The following ARL15 variants were observed in gnomAD, a reference collection of about 807,000 sequenced individuals.
ARL15 encodes ADP-ribosylation factor-like protein 15.
ARL15 carries 19 observed loss-of-function variants against 25.2 expected under a neutral mutation model. That is an observed-to-expected ratio of 0.75 (90% CI 0.53 to 1.10). The LOEUF (loss-of-function observed/expected upper bound fraction) is 1.10. Among genes scored for constraint, ARL15 ranks in the 50% least tolerant of loss-of-function variants. ARL15 has a pLI of 0.00. For synonymous variants in ARL15, 94 were observed against 86.8 expected (o/e 1.08, Z -0.46); for missense variants, 220 against 246.0 (o/e 0.89, Z 0.71).
chr5:54,254,695 A>G (rs926531141), intron 1 of ARL15, among the ~76,000 whole-genome samples: 4 of 152,316 alleles, frequency 2.6e-5, no homozygotes, highest in Non-Finnish European at 5.9e-5. Context: ...ATGGAGACAT[A>G]AGCACTGTTG....
intron 4 of ARL15, among the ~76,000 whole-genome samples, chr5:54,036,831 T>C (rs1750182726): frequency 6.6e-6 from 1 of 152,182 alleles, no homozygotes; most frequent in South Asian, 2.1e-4. Context: ...TACTGGATTA[T>C]ATTTCAAAAA....
At chr5:53,947,542 G>A (rs746946952) in intron 4 of ARL15, among the ~76,000 whole-genome samples, 6 of 152,114 alleles carry the variant, frequency 3.9e-5, no homozygotes, top group Non-Finnish European at 7.4e-5. Flanking sequence ...CTGATGCAGG[G>A]CATTTAATAC....
intron 4 of ARL15, among the ~76,000 whole-genome samples, chr5:53,907,217 C>G (rs1299785163): frequency 6.6e-6 from 1 of 151,914 alleles, no homozygotes; most frequent in African/African-American, 2.4e-5. Flanking sequence ...CTATTCCTCC[C>G]ACATTCCATC....
chr5:54,260,123 G>T (rs2112620032), intron 1 of ARL15, among the ~76,000 whole-genome samples: 1 of 152,194 alleles, frequency 6.6e-6, no homozygotes, highest in East Asian at 1.9e-4. Flanking sequence ...ATGTTCCCTT[G>T]GCCATCCTAG....
intron 1 of ARL15, among the ~76,000 whole-genome samples, chr5:54,179,663 A>G (rs974369719): frequency 6.6e-6 from 1 of 152,014 alleles, no homozygotes; most frequent in African/African-American, 2.4e-5. Flanking sequence ...TCTCTCTTTC[A>G]CACTGTTTGC....
rs115801737 is a variant in ARL15, at chr5:54,159,408, G to A, written c.194-4769C>T. Among the ~76,000 whole-genome samples, 1,462 of 152,206 alleles carry A rather than the reference G, an allele frequency of 9.6e-3. 18 individuals are homozygous for A. Among genetic ancestry groups the A allele is most frequent in the African/African-American group, 0.028 (1,151 of 41,516 alleles). The stretch of plus-strand genomic sequence containing the variant: ...TGACAAGGGACTATCCTAGGAGTCC[G>A]AAGCACAGCTCTTAGACTCACCAGC... On this transcript the variant is annotated intron_variant, in intron 2 of 4. Transcript: ENST00000504924.
chr5:54,020,314 C>A (rs1193262044), intron 4 of ARL15, among the ~76,000 whole-genome samples: 1 of 152,050 alleles, frequency 6.6e-6, no homozygotes, highest in Non-Finnish European at 1.5e-5. Flanking sequence ...ACCAAGGCCA[C>A]CCCCCTGCAG....
intron 1 of ARL15, among the ~76,000 whole-genome samples, chr5:54,196,484 A>G (rs1755552986): frequency 6.6e-6 from 1 of 152,168 alleles, no homozygotes; most frequent in South Asian, 2.1e-4. Context: ...TAATGGGACT[A>G]ATATACAGTT....
At chr5:54,130,859 T>A (rs13167628) in intron 3 of ARL15, among the ~76,000 whole-genome samples, 2,338 of 152,276 alleles carry the variant, frequency 0.015, 40 homozygotes, top group Middle Eastern at 0.044. Flanking sequence ...AGGTAGTTGA[T>A]TTGGAAACTA....
intron 4 of ARL15, among the ~76,000 whole-genome samples, chr5:53,938,042 T>C (rs972871596): frequency 3.3e-5 from 5 of 152,206 alleles, no homozygotes; most frequent in South Asian, 2.1e-4. Flanking sequence ...AGATACATCA[T>C]ACTAAAATGC....
chr5:54,071,525 C>CA (rs1751423014), intron 4 of ARL15, among the ~76,000 whole-genome samples: 2 of 39,032 alleles, frequency 5.1e-5, no homozygotes, highest in African/African-American at 2.9e-4. Context: ...CCCCCCCCCC[C>CA]GCAAAGCCAG....
At chr5:54,095,690 C>T (rs1752264695) in intron 4 of ARL15, among the ~76,000 whole-genome samples, 1 of 152,116 alleles carries the variant, frequency 6.6e-6, no homozygotes, top group South Asian at 2.1e-4. Context: ...CACTCTGTCT[C>T]ACAAATATAT....
rs138210637 is a variant in ARL15, at chr5:53,952,673, A to C, written c.463-65960T>G. Among the ~76,000 whole-genome samples, 999 of 152,350 alleles carry C rather than the reference A, an allele frequency of 6.6e-3. 7 individuals are homozygous for C. Among genetic ancestry groups the C allele is most frequent in the Non-Finnish European group, 0.01 (705 of 68,034 alleles). On this transcript the variant is annotated intron_variant, in intron 4 of 4. Coordinates refer to ENST00000504924, the MANE Select transcript of ARL15 (RefSeq NM_019087.3). ...TTCTACTGCAATTTTTATTTAAGAA[A>C]TGAAATAATTTCTAAACATTTTTAA... is the stretch of plus-strand genomic sequence containing the variant.
chr5:54,277,474 G>A (rs1378509897), intron 1 of ARL15, among the ~76,000 whole-genome samples: 6 of 152,176 alleles, frequency 3.9e-5, no homozygotes, highest in African/African-American at 1.4e-4. Context: ...TCTGCAGGCC[G>A]GGCATGGTGG....
Position 54,279,377 on chromosome 5 carries a change from G to A in ARL15, c.48+31055C>T, listed in dbSNP as rs193282643. On this transcript the variant is annotated intron_variant, in intron 1 of 4. Coordinates refer to ENST00000504924, the MANE Select transcript of ARL15 (RefSeq NM_019087.3). The stretch of plus-strand genomic sequence containing the variant: ...CCTGGAAGTCCCAGATCAGGGTGCC[G>A]GCATGGTCAGTTTCTGTTGAGGGAT... Among the ~76,000 whole-genome samples the A allele has an allele frequency of 2.4e-4, 37 of 152,078 alleles. 1 individual carries two copies. The East Asian group carries it at 5.4e-3, about 22-fold the overall frequency.
rs139490896 is a variant in ARL15, at chr5:54,196,035, G to A, written c.49-24107C>T. Among the ~76,000 whole-genome samples the A allele has an allele frequency of 9.1e-4, 138 of 152,190 alleles. No individual in the cohort carries two copies. In the East Asian group the frequency reaches 0.019, roughly 21 times the overall value. On this transcript the variant is annotated intron_variant, in intron 1 of 4. Transcript: ENST00000504924. ...GGACATATTCATCAAAGCAGAAAAGGATTCTACCTGACTCTTTTTAATGTC... is the reference window on the plus strand; with the variant it reads ...GGACATATTCATCAAAGCAGAAAAGAATTCTACCTGACTCTTTTTAATGTC...
At chr5:54,113,121 A>G (rs750906027) in intron 4 of ARL15, 81 bp downstream of exon 4, 122 of 1,347,072 alleles carry the variant, frequency 9.1e-5, no homozygotes, top group Non-Finnish European at 1.2e-4. Context: ...ATTCCTAATT[A>G]CATGCATTTT....
intron 4 of ARL15, among the ~76,000 whole-genome samples, chr5:54,076,352 C>T (rs1166069241): frequency 2.0e-5 from 3 of 150,540 alleles, no homozygotes; most frequent in Non-Finnish European, 4.4e-5. Flanking sequence ...ACCCAGGAGG[C>T]GGAGCTTGCA....
At chr5:53,984,284 A>G (rs1447809504) in intron 4 of ARL15, among the ~76,000 whole-genome samples, 3 of 151,966 alleles carry the variant, frequency 2.0e-5, no homozygotes, top group African/African-American at 7.3e-5. Context: ...TCTGGAGTTG[A>G]GCTGCTCATA....
Sources: allele counts gnomAD v4.1 joint callset (sites outside exome capture counted in the v4.1 genomes callset), GRCh38; gene constraint gnomAD v4.1.1; transcripts MANE v1.5; gene names NCBI Gene and HGNC (gene_info 2026-07-23, HGNC 2026-07-21).